Variants in SLMAP observed in about 807,000 individuals in gnomAD.
The protein encoded by SLMAP is sarcolemmal membrane-associated protein.
In SLMAP, 44 loss-of-function variants were observed where a neutral mutation model predicts 128.8. The ratio of observed to expected loss-of-function variants is 0.34; its 90% CI spans 0.27 to 0.44. The LOEUF (loss-of-function observed/expected upper bound fraction) is 0.44. Ranked by LOEUF, SLMAP falls within the 20% of genes least tolerant of loss-of-function variation. SLMAP has a pLI of 1.00. For missense variants in SLMAP, 787 were observed against 985.3 expected (o/e 0.80, Z 2.69); for synonymous variants, 327 against 348.8 (o/e 0.94, Z 0.70).
chr3:57,886,148 G>C (rs912767884), intron 14 of SLMAP, among the ~76,000 whole-genome samples: 1 of 145,476 alleles, frequency 6.9e-6, no homozygotes, highest in African/African-American at 2.6e-5. Context: ...CTGTTGCCCA[G>C]GCTGGAGTGC....
At chr3:57,808,744 G>T (rs1000199569) in intron 2 of SLMAP, among the ~76,000 whole-genome samples, 29 of 152,190 alleles carry the variant, frequency 1.9e-4, no homozygotes, top group Admixed American at 7.2e-4. Context: ...TTGATTTGGG[G>T]TGGAGAGTTC....
At chr3:57,832,603 C>T (rs1241116498) in intron 3 of SLMAP, among the ~76,000 whole-genome samples, 1 of 152,122 alleles carries the variant, frequency 6.6e-6, no homozygotes, top group African/African-American at 2.4e-5. Flanking sequence ...TTTCTCCTTT[C>T]ATTTGTCTGA....
At chr3:57,887,408 C>G (rs2095922856) in intron 14 of SLMAP, among the ~76,000 whole-genome samples, 2 of 152,012 alleles carry the variant, frequency 1.3e-5, no homozygotes, top group African/African-American at 4.8e-5. Context: ...TTTGGGGTTT[C>G]TCCATGTTGG....
intron 10 of SLMAP, among the ~76,000 whole-genome samples, chr3:57,862,746 T>C (rs1273186002): frequency 1.3e-5 from 2 of 152,092 alleles, no homozygotes; most frequent in African/African-American, 4.8e-5. Flanking sequence ...GCTGAAAGTA[T>C]GAAAGCAGGA....
In SLMAP at chr3:57,831,478, T is replaced by A. The variant is rs2093332987; in HGVS notation, c.294T>A (p.Leu98=). 2 of 1,598,190 alleles carry A rather than the reference T, an allele frequency of 1.3e-6. No homozygotes were observed. The highest frequency in any genetic ancestry group is 4.5e-5 in the East Asian group (2 of 44,208). ...AAGAAAGTCCACCATGTGAAATTCT[T>A]TCCGGTGACATTATCCAGTTTGGAG... The part of the protein sequence containing the change: ...GSEESPPCEI[L]SGDIIQFGVD... Residue 98 remains leucine (L), a synonymous_variant, in exon 3 of 25, where the codon CTT becomes CTA. Coordinates refer to ENST00000671191, the MANE Select transcript of SLMAP (RefSeq NM_001377540.1).
chr3:57,852,340 T>A (rs1261638563), intron 6 of SLMAP, among the ~76,000 whole-genome samples: 1 of 152,240 alleles, frequency 6.6e-6, no homozygotes, highest in Non-Finnish European at 1.5e-5. Context: ...AGGCATAATG[T>A]ATGCATAGAA....
intron 21 of SLMAP, among the ~76,000 whole-genome samples, chr3:57,913,542 A>G (rs535675144): frequency 2.0e-5 from 3 of 152,304 alleles, no homozygotes; most frequent in Admixed American, 6.5e-5. Context: ...ACAAACAACA[A>G]AAGTCTGTAA....
At position 57,766,165 on chromosome 3, in the gene SLMAP, A is replaced by ATTTT. The variant is rs869169620; in HGVS notation, c.198+8337_198+8340dup. Reference sequence around the variant, plus strand: ...AGGCGCCTACCACCACACCCGGCTAATTTTTTTTTTTTTTTTTTTTTTTTG... The same window carrying ATTTT: ...AGGCGCCTACCACCACACCCGGCTAATTTTTTTTTTTTTTTTTTTTTTTTTTTTG... On this transcript the variant is annotated intron_variant, in intron 2 of 24. Transcript: ENST00000671191. 1.8e-3 allele frequency among the ~76,000 whole-genome samples: 158 copies of ATTTT among 85,680 alleles called. 3 individuals carry two copies. The highest frequency in any genetic ancestry group is 9.7e-3 in the East Asian group (25 of 2,572). 56.2% of individuals were successfully genotyped at this position (85,680 alleles called of 152,430 possible).
intron 2 of SLMAP, among the ~76,000 whole-genome samples, chr3:57,773,608 C>T (rs1576265149): frequency 1.3e-5 from 2 of 152,232 alleles, no homozygotes; most frequent in Admixed American, 1.3e-4. Context: ...AGCAATGCCT[C>T]CACTTAATTC....
chr3:57,907,029 T>G (rs989962604), intron 17 of SLMAP, among the ~76,000 whole-genome samples: 3 of 146,458 alleles, frequency 2.0e-5, no homozygotes, highest in African/African-American at 5.0e-5. Flanking sequence ...GTTGTTGCGG[T>G]TTTTTTTTTT....
intron 4 of SLMAP, among the ~76,000 whole-genome samples, chr3:57,845,733 A>G (rs1217426721): frequency 6.6e-6 from 1 of 152,140 alleles, no homozygotes; most frequent in African/African-American, 2.4e-5. Context: ...CATGAGAGTA[A>G]TAGTAGTGAT....
intron 14 of SLMAP, among the ~76,000 whole-genome samples, chr3:57,876,361 TTC>T (rs2153627094): frequency 6.6e-6 from 1 of 152,342 alleles, no homozygotes; most frequent in South Asian, 2.1e-4. Context: ...AAAGAAAAAC[TTC>T]TCTTTTCTAA....
intron 14 of SLMAP, among the ~76,000 whole-genome samples, chr3:57,885,393 T>G (rs2095853404): frequency 6.9e-6 from 1 of 145,328 alleles, no homozygotes; most frequent in Non-Finnish European, 1.5e-5. Context: ...TTGTTGTTGT[T>G]TTGTTTTGTT....
chr3:57,839,481 C>T (rs978505971), intron 3 of SLMAP, among the ~76,000 whole-genome samples: 1 of 140,496 alleles, frequency 7.1e-6, no homozygotes, highest in Non-Finnish European at 1.5e-5. Context: ...CGCTCTGTCA[C>T]CCAGGCTGGA....
intron 14 of SLMAP, among the ~76,000 whole-genome samples, chr3:57,884,237 G>A (rs982928794): frequency 1.3e-5 from 2 of 152,058 alleles, no homozygotes; most frequent in Non-Finnish European, 2.9e-5. Context: ...CTGATACTTT[G>A]TATTCTTGTC....
Position 57,757,942 on chromosome 3 carries a change from G to A in SLMAP, c.198+93G>A, listed in dbSNP as rs2077889484. 5.4e-6 allele frequency: 6 copies of A among 1,121,370 alleles called. No homozygotes were observed. The South Asian group carries it at 8.2e-5, about 15-fold the overall frequency. 69.5% of individuals were successfully genotyped at this position (1,121,370 alleles called of 1,614,324 possible). ...AGGACTAATGTATGCAGGATCCCAGGGTTTGCATCCAGAGGAGGCTTTGCG... is the reference window on the plus strand; with the variant it reads ...AGGACTAATGTATGCAGGATCCCAGAGTTTGCATCCAGAGGAGGCTTTGCG... On this transcript the variant is annotated intron_variant, in intron 2 of 24. Coordinates refer to ENST00000671191, the MANE Select transcript of SLMAP (RefSeq NM_001377540.1).
intron 17 of SLMAP, chr3:57,899,031 G>C (rs2096305806): frequency 6.6e-6 from 1 of 152,290 alleles, no homozygotes; most frequent in Non-Finnish European, 1.5e-5. Flanking sequence ...ATAAAAGCAG[G>C]CCTATCTGTT....
At chr3:57,855,365 A>G (rs1330650963) in intron 6 of SLMAP, among the ~76,000 whole-genome samples, 2 of 151,914 alleles carry the variant, frequency 1.3e-5, no homozygotes, top group East Asian at 3.9e-4. Flanking sequence ...ATGACAGAGC[A>G]AGGCTCTGTC....
intron 10 of SLMAP, 115 bp downstream of exon 10, chr3:57,862,201 C>A: frequency 2.6e-6 from 2 of 776,016 alleles, no homozygotes; most frequent in Non-Finnish European, 4.2e-6. Context: ...GCCTGTAATC[C>A]CAGCTTCTCA....
Sources: gnomAD v4.1 joint callset for allele counts (sites outside exome capture counted in the v4.1 genomes callset) on GRCh38, gnomAD v4.1.1 for gene constraint, MANE v1.5 for transcripts, NCBI Gene and HGNC (gene_info 2026-07-23, HGNC 2026-07-21) for gene names.